Variants in PGPEP1L observed in about 807,000 individuals in gnomAD.
PGPEP1L encodes pyroglutamyl-peptidase I like.
Under a neutral mutation model 6.0 loss-of-function variants are expected in PGPEP1L, and 7 were observed. The ratio of observed to expected loss-of-function variants is 1.17; its 90% CI spans 0.66 to 2.19. The LOEUF is 2.19. Ranked by LOEUF, PGPEP1L falls within the 30% of genes most tolerant of loss-of-function variation. The pLI is 0.00. For synonymous variants in PGPEP1L, 103 were observed against 83.9 expected (o/e 1.23, Z -1.24); for missense variants, 209 against 192.5 (o/e 1.09, Z -0.51).
intron 2 of PGPEP1L, among the ~76,000 whole-genome samples, chr15:98,973,078 T>C (rs2017522107): frequency 6.6e-6 from 1 of 152,026 alleles, no homozygotes; most frequent in Non-Finnish European, 1.5e-5. Context: ...TCAGATAAAA[T>C]GGACTTTAAG....
intron 2 of PGPEP1L, among the ~76,000 whole-genome samples, chr15:98,999,243 C>CA (rs2017928089): frequency 6.6e-6 from 1 of 152,170 alleles, no homozygotes; most frequent in Non-Finnish European, 1.5e-5. Flanking sequence ...TCTTGAAACT[C>CA]AAACAGTCCA....
chr15:98,969,339 A>G (rs1002584448), intron 4 of PGPEP1L, 86 bp downstream of exon 4: 20 of 1,542,896 alleles, frequency 1.3e-5, no homozygotes, highest in Non-Finnish European at 1.8e-5. Context: ...TGGACGATAC[A>G]GGATGGCTTC....
At chr15:98,990,891 AATAAAGATGTTCTTTGAAACCAATG>A (rs1174155936) in intron 2 of PGPEP1L, among the ~76,000 whole-genome samples, 1 of 152,248 alleles carries the variant, frequency 6.6e-6, no homozygotes, top group Non-Finnish European at 1.5e-5. Context: ...TTGAAGCAGA[AATAAAGATGTTCTTTGAAACCAATG>A]AGAACAAAGA....
chr15:98,968,428 T>C lies in PGPEP1L; in HGVS notation c.*50A>G. The C allele has an allele frequency of 6.4e-7, 1 of 1,558,194 alleles. No homozygotes were observed. Among genetic ancestry groups the C allele is most frequent in the South Asian group, 1.2e-5 (1 of 85,792 alleles). ...AGTTTCTCAATGCACAGTTGAGTGCTACATACAGGATTGAAACATTCAATT... is the reference window on the plus strand; with the variant it reads ...AGTTTCTCAATGCACAGTTGAGTGCCACATACAGGATTGAAACATTCAATT... On this transcript the variant is annotated 3_prime_UTR_variant, in exon 5 of 5. Coordinates refer to ENST00000535714, the MANE Select transcript of PGPEP1L (RefSeq NM_001167902.2).
intron 2 of PGPEP1L, among the ~76,000 whole-genome samples, chr15:98,987,430 C>A (rs1336769481): frequency 6.6e-6 from 1 of 151,920 alleles, no homozygotes; most frequent in Non-Finnish European, 1.5e-5. Flanking sequence ...TTCTGATAGA[C>A]GCAACACCAC....
Position 98,968,326 on chromosome 15 carries a change from T to C in PGPEP1L, c.*152A>G. The C allele has an allele frequency of 2.7e-6, 2 of 733,228 alleles. No homozygotes were observed. The highest frequency in any genetic ancestry group is 5.4e-5 in the Admixed American group (2 of 37,096). The allele number at this position is 733,228 out of a possible 1,614,324, so 45.4% of individuals were successfully genotyped here. On this transcript the variant is annotated 3_prime_UTR_variant, in exon 5 of 5. Transcript: ENST00000535714. ...TTCAGAGTGTTCTTTCTCCTGACAA[T>C]AAAATAACCCTTTGTGATTTTGTTG...
chr15:98,973,410 G>A (rs909832666), intron 2 of PGPEP1L, among the ~76,000 whole-genome samples: 6 of 152,200 alleles, frequency 3.9e-5, no homozygotes, highest in Non-Finnish European at 7.3e-5. Context: ...CAGAATACAC[G>A]TTTTTCTCAA....
chr15:98,993,687 G>C (rs1243769474), intron 2 of PGPEP1L, among the ~76,000 whole-genome samples: 3 of 150,058 alleles, frequency 2.0e-5, no homozygotes, highest in African/African-American at 7.5e-5. Context: ...GGTGGGGGGT[G>C]GGGGAGGGAT....
At chr15:99,000,179 G>A (rs1034640897) in intron 2 of PGPEP1L, among the ~76,000 whole-genome samples, 6 of 152,236 alleles carry the variant, frequency 3.9e-5, no homozygotes, top group Admixed American at 6.5e-5. Flanking sequence ...GGCAGTGAGG[G>A]GCTTAGCATC....
At chr15:98,984,093 A>C (rs1290895016) in intron 2 of PGPEP1L, among the ~76,000 whole-genome samples, 1 of 143,434 alleles carries the variant, frequency 7.0e-6, no homozygotes, top group Non-Finnish European at 1.5e-5. Flanking sequence ...TCACTGCAAG[A>C]TCTGCTTCCC....
At chr15:98,999,777 A>G (rs2017934633) in intron 2 of PGPEP1L, among the ~76,000 whole-genome samples, 1 of 152,272 alleles carries the variant, frequency 6.6e-6, no homozygotes, top group Admixed American at 6.5e-5. Flanking sequence ...ATGTCCATCA[A>G]CTGATGAATG....
intron 2 of PGPEP1L, among the ~76,000 whole-genome samples, chr15:98,997,241 C>G (rs1166622095): frequency 6.6e-6 from 1 of 152,162 alleles, no homozygotes; most frequent in African/African-American, 2.4e-5. Context: ...ATGCCCTCAG[C>G]TTTTTCCTGG....
chr15:99,004,785 C>T (rs1421709114), intron 2 of PGPEP1L, among the ~76,000 whole-genome samples: 3 of 152,078 alleles, frequency 2.0e-5, no homozygotes, highest in Admixed American at 2.0e-4. Context: ...GGGATGCTGA[C>T]TTGGTGAGGC....
intron 2 of PGPEP1L, among the ~76,000 whole-genome samples, chr15:98,997,645 G>T (rs1555472605): frequency 6.6e-6 from 1 of 152,158 alleles, no homozygotes; most frequent in Non-Finnish European, 1.5e-5. Context: ...CTGTGCCCAG[G>T]TGCTAAAATA....
intron 2 of PGPEP1L, among the ~76,000 whole-genome samples, chr15:98,985,120 T>C (rs2151760627): frequency 6.6e-6 from 1 of 152,198 alleles, no homozygotes; most frequent in African/African-American, 2.4e-5. Context: ...GAGGGGCAAA[T>C]ATGAACTCAC....
chr15:98,996,579 TTA>T (rs1439720114), intron 2 of PGPEP1L, among the ~76,000 whole-genome samples: 1 of 150,952 alleles, frequency 6.6e-6, no homozygotes, highest in East Asian at 1.9e-4. Context: ...CATGCATGTA[TTA>T]TGTGTGTTGT....
rs528772681 is a variant in PGPEP1L at position 98,998,468 on chromosome 15, G to C, written c.-142+6961C>G. On this transcript the variant is annotated intron_variant, in intron 2 of 4. Transcript: ENST00000535714. Reference sequence around the variant, plus strand: ...GTGTGCACAGATGTCTGAATAAAAAGCATGCTTTGTAAAGAACCCTGGAAT... The same window carrying C: ...GTGTGCACAGATGTCTGAATAAAAACCATGCTTTGTAAAGAACCCTGGAAT... Among the ~76,000 whole-genome samples the C allele has an allele frequency of 5.9e-5, 9 of 152,310 alleles. No individual in the cohort carries two copies. The East Asian group carries it at 1.7e-3, about 29-fold the overall frequency.
chr15:98,974,519 A>G (rs1280785570), intron 2 of PGPEP1L, among the ~76,000 whole-genome samples: 1 of 152,252 alleles, frequency 6.6e-6, no homozygotes, highest in East Asian at 1.9e-4. Flanking sequence ...CCTGACAAAG[A>G]AAAGCCCAGA....
chr15:98,978,918 T>C (rs2017613526), intron 2 of PGPEP1L, among the ~76,000 whole-genome samples: 1 of 151,674 alleles, frequency 6.6e-6, no homozygotes, highest in Non-Finnish European at 1.5e-5. Flanking sequence ...TTAGTAGAGA[T>C]GGGGTTTTAC....
Sources: allele counts gnomAD v4.1 joint callset (sites outside exome capture counted in the v4.1 genomes callset), GRCh38; gene constraint gnomAD v4.1.1; transcripts MANE v1.5; gene names NCBI Gene and HGNC (gene_info 2026-07-23, HGNC 2026-07-21).